Variants in PRR16 observed in about 807,000 individuals in gnomAD.
The protein encoded by PRR16 is protein Largen.
PRR16 carries 6 observed loss-of-function variants against 18.2 expected under a neutral mutation model. The observed-to-expected ratio is 0.33, with a 90% CI of 0.18 to 0.65. The LOEUF (loss-of-function observed/expected upper bound fraction) is 0.65. Among genes scored for constraint, PRR16 ranks in the 30% least tolerant of loss-of-function variants. PRR16 has a pLI of 0.74. For missense variants in PRR16, 412 were observed against 376.6 expected (o/e 1.09, Z -0.78); for synonymous variants, 151 against 147.8 (o/e 1.02, Z -0.16).
At chr5:120,488,599 G>C (rs952709218) in intron 1 of PRR16, among the ~76,000 whole-genome samples, 3 of 152,054 alleles carry the variant, frequency 2.0e-5, no homozygotes, top group Non-Finnish European at 4.4e-5. Flanking sequence ...CAAAAAACCA[G>C]CTCCTGGATT....
intron 1 of PRR16, among the ~76,000 whole-genome samples, chr5:120,684,493 G>T (rs1561615066): frequency 6.6e-6 from 1 of 152,164 alleles, no homozygotes; most frequent in African/African-American, 2.4e-5. Flanking sequence ...TCTCCATATG[G>T]AATAAATGTG....
At position 120,686,308 on chromosome 5, in the gene PRR16, T is replaced by C; in HGVS notation, c.514T>C (p.Cys172Arg). ...TAACAAAATTCCAAATGGAGATATC[T>C]GCTGCATACCCAACAGTAACTTGGA... ...GPNKIPNGDICCIPNSNLDKA... is the reference protein window; with the variant it reads ...GPNKIPNGDIRCIPNSNLDKA... The change falls in exon 2 of 2, where the codon TGC becomes CGC. Residue 172 changes from cysteine (C) to arginine (R), a missense_variant. Coordinates refer to ENST00000407149, the MANE Select transcript of PRR16 (RefSeq NM_001300783.2). The C allele has an allele frequency of 6.2e-7, 1 of 1,614,176 alleles. No homozygotes were observed. Among genetic ancestry groups the C allele is most frequent in the African/African-American group, 1.3e-5 (1 of 75,048 alleles).
intron 1 of PRR16, among the ~76,000 whole-genome samples, chr5:120,482,107 A>G (rs116234784): frequency 0.012 from 1,801 of 152,218 alleles, 48 homozygotes; most frequent in African/African-American, 0.042. Context: ...TGCCCACTGG[A>G]TATTTTGTTT....
chr5:120,546,927 G>A (rs1322141320), intron 1 of PRR16, among the ~76,000 whole-genome samples: 1 of 152,052 alleles, frequency 6.6e-6, no homozygotes, highest in African/African-American at 2.4e-5. Flanking sequence ...TGGGCTATCG[G>A]CTAGTTATAT....
chr5:120,775,036 A>G, the PRR16 span, among the ~76,000 whole-genome samples: 1 of 152,094 alleles, frequency 6.6e-6, no homozygotes, highest in East Asian at 1.9e-4. Flanking sequence ...CTCTAACCTT[A>G]CTCATTAAAG....
intron 1 of PRR16, among the ~76,000 whole-genome samples, chr5:120,480,425 C>A (rs2655067): frequency 0.69 from 104,838 of 152,004 alleles, 37,209 homozygotes; most frequent in East Asian, 0.95. Flanking sequence ...ATACAATTTT[C>A]TTTTTTGCAG....
chr5:120,562,216 T>C (rs1234939370), intron 1 of PRR16, among the ~76,000 whole-genome samples: 1 of 152,178 alleles, frequency 6.6e-6, no homozygotes, highest in Non-Finnish European at 1.5e-5. Context: ...GATCAATCCC[T>C]TTATCATTAT....
chr5:120,466,722 G>C (rs1324312507), intron 1 of PRR16, among the ~76,000 whole-genome samples: 5 of 152,026 alleles, frequency 3.3e-5, no homozygotes, highest in Non-Finnish European at 7.4e-5. Flanking sequence ...TTTATAAGAG[G>C]AATAAAAAGC....
the PRR16 span, among the ~76,000 whole-genome samples, chr5:120,735,015 C>T: frequency 6.6e-6 from 1 of 152,116 alleles, no homozygotes; most frequent in Non-Finnish European, 1.5e-5. Flanking sequence ...ATACCAGGTT[C>T]CCATTTCATC....
the PRR16 span, among the ~76,000 whole-genome samples, chr5:120,771,775 T>C: frequency 6.6e-6 from 1 of 152,036 alleles, no homozygotes; most frequent in Admixed American, 6.6e-5. Flanking sequence ...ATGTCCAAGA[T>C]ATTTGTTAGT....
chr5:120,533,856 C>G (rs1469737475), intron 1 of PRR16, among the ~76,000 whole-genome samples: 5 of 152,130 alleles, frequency 3.3e-5, no homozygotes, highest in African/African-American at 1.2e-4. Context: ...TTTTAAAGAT[C>G]ATTCTAATAT....
At chr5:120,667,466 CT>C (rs1377675128) in intron 1 of PRR16, among the ~76,000 whole-genome samples, 2 of 151,862 alleles carry the variant, frequency 1.3e-5, no homozygotes, top group Non-Finnish European at 2.9e-5. Context: ...CAGTTCTGCT[CT>C]GATTTTAGTT....
At chr5:120,647,550 C>T (rs375541737) in intron 1 of PRR16, among the ~76,000 whole-genome samples, 11 of 151,740 alleles carry the variant, frequency 7.2e-5, no homozygotes, top group Admixed American at 6.6e-4. Flanking sequence ...TGTATTTGAC[C>T]GACGCCTTTG....
intron 1 of PRR16, among the ~76,000 whole-genome samples, chr5:120,599,806 G>A (rs1417071573): frequency 1.3e-5 from 2 of 151,720 alleles, no homozygotes; most frequent in African/African-American, 4.8e-5. Context: ...ATGTATTATT[G>A]CTGACATAGT....
chr5:120,686,490 C>T lies in PRR16; in HGVS notation c.696C>T (p.His232=). 1 of 1,614,100 alleles carries T rather than the reference C, an allele frequency of 6.2e-7. No individual in the cohort carries two copies. ...ATAACATAAAAAACAGGGAGGTCCACTTACACAGTGAACCTGTCCACCCAC... is the reference window on the plus strand; with the variant it reads ...ATAACATAAAAAACAGGGAGGTCCATTTACACAGTGAACCTGTCCACCCAC... ...TRYNIKNREV[H]LHSEPVHPPG... The change falls in exon 2 of 2, where the codon CAC becomes CAT. Residue 232 remains histidine (H), a synonymous_variant. Coordinates refer to ENST00000407149, the MANE Select transcript of PRR16 (RefSeq NM_001300783.2).
At chr5:120,700,964 G>C in the PRR16 span, among the ~76,000 whole-genome samples, 5 of 152,302 alleles carry the variant, frequency 3.3e-5, no homozygotes, top group Non-Finnish European at 2.9e-5. Context: ...CCAATTTTCA[G>C]TGGGGTCTCA....
chr5:120,586,807 C>G (rs577340328), intron 1 of PRR16, among the ~76,000 whole-genome samples: 52 of 152,170 alleles, frequency 3.4e-4, no homozygotes, highest in African/African-American at 1.3e-3. Context: ...TCTAAGCATT[C>G]AAGTGAAAGG....
chr5:120,622,768 C>T (rs1172913807), intron 1 of PRR16, among the ~76,000 whole-genome samples: 4 of 151,968 alleles, frequency 2.6e-5, no homozygotes, highest in Non-Finnish European at 5.9e-5. Flanking sequence ...TGAGCCACCA[C>T]GCCCAGCCAC....
At chr5:120,675,418 G>A (rs1462151924) in intron 1 of PRR16, among the ~76,000 whole-genome samples, 2 of 152,132 alleles carry the variant, frequency 1.3e-5, no homozygotes, top group South Asian at 2.1e-4. Context: ...ATGTGTTCTT[G>A]TTAAATACAG....
Sources: gnomAD v4.1 joint callset for allele counts (sites outside exome capture counted in the v4.1 genomes callset) on GRCh38, gnomAD v4.1.1 for gene constraint, MANE v1.5 for transcripts, NCBI Gene and HGNC (gene_info 2026-07-23, HGNC 2026-07-21) for gene names.